The following SPIDR variants were observed in gnomAD, a reference collection of about 807,000 sequenced individuals.
SPIDR encodes the protein scaffold protein involved in DNA repair.
SPIDR carries 93 observed loss-of-function variants against 104.6 expected under a neutral mutation model. The observed-to-expected ratio is 0.89, with a 90% CI of 0.75 to 1.06. The LOEUF (loss-of-function observed/expected upper bound fraction) is 1.06, where lower values mean the gene tolerates loss of function less well. SPIDR is among the 50% of genes least tolerant of loss of function. The pLI, the probability that SPIDR is intolerant of heterozygous loss-of-function variation, is 0.00. For missense variants in SPIDR, 1,154 were observed against 1,111.2 expected, an observed-to-expected ratio of 1.04 and a Z score of -0.55; for synonymous variants, 431 against 416.9, an observed-to-expected ratio of 1.03 and a Z score of -0.41.
chr8:47,587,640 G>T (rs2060406357), intron 8 of SPIDR, among the ~76,000 whole-genome samples: 1 of 150,404 alleles, frequency 6.6e-6, no homozygotes, highest in Admixed American at 6.7e-5. Flanking sequence ...AAATCAACTG[G>T]TGCTGAGCAT....
chr8:47,420,752 C>G (rs570292385), intron 7 of SPIDR, among the ~76,000 whole-genome samples: 42 of 152,274 alleles, frequency 2.8e-4, no homozygotes, highest in Middle Eastern at 3.4e-3. Context: ...ATGCCTGGTA[C>G]CAGTTATTCC....
At chr8:47,336,246 T>A (rs1465838326) in intron 5 of SPIDR, among the ~76,000 whole-genome samples, 2 of 152,230 alleles carry the variant, frequency 1.3e-5, no homozygotes, top group Admixed American at 6.5e-5. Flanking sequence ...GTTTTTACAC[T>A]TTTTGGCTGT....
chr8:47,317,460 G>A (rs2045596164), intron 5 of SPIDR, among the ~76,000 whole-genome samples: 1 of 152,158 alleles, frequency 6.6e-6, no homozygotes, highest in African/African-American at 2.4e-5. Flanking sequence ...CAGGGAAGCT[G>A]GAACTGGATG....
chr8:47,297,526 A>G (rs1299871606), intron 5 of SPIDR, among the ~76,000 whole-genome samples: 2 of 152,042 alleles, frequency 1.3e-5, no homozygotes, highest in African/African-American at 4.8e-5. Flanking sequence ...TTACATATGT[A>G]TACATGTGCC....
chr8:47,359,080 T>G (rs1554628015), intron 5 of SPIDR, among the ~76,000 whole-genome samples: 1 of 151,684 alleles, frequency 6.6e-6, no homozygotes, highest in African/African-American at 2.4e-5. Context: ...TCCCACCAGT[T>G]AAAAAAATTG....
At chr8:47,525,921 T>C (rs188915613) in intron 8 of SPIDR, among the ~76,000 whole-genome samples, 181 of 152,306 alleles carry the variant, frequency 1.2e-3, no homozygotes, top group Non-Finnish European at 2.2e-3. Context: ...TTACCCCTTT[T>C]CCCTGCAGTT....
At chr8:47,573,057 C>T (rs1256457289) in intron 8 of SPIDR, among the ~76,000 whole-genome samples, 1 of 152,188 alleles carries the variant, frequency 6.6e-6, no homozygotes, top group Non-Finnish European at 1.5e-5. Flanking sequence ...ATTAATTTTT[C>T]AGGTAATAAG....
At chr8:47,406,084 A>C (rs775931629) in intron 6 of SPIDR, among the ~76,000 whole-genome samples, 56 of 140,192 alleles carry the variant, frequency 4.0e-4, no homozygotes, top group Non-Finnish European at 7.1e-4. Flanking sequence ...TTCAGAGTTC[A>C]TTTTGCCTTT....
At chr8:47,728,148 C>T (rs1019060519) in intron 17 of SPIDR, among the ~76,000 whole-genome samples, 3 of 148,672 alleles carry the variant, frequency 2.0e-5, no homozygotes, top group African/African-American at 7.5e-5. Context: ...AAGCAAAGAT[C>T]GGCCAGGTGC....
chr8:47,618,103 C>G (rs561902926), intron 10 of SPIDR, among the ~76,000 whole-genome samples: 1 of 152,230 alleles, frequency 6.6e-6, no homozygotes, highest in East Asian at 1.9e-4. Context: ...GTCAGGAGAC[C>G]AATGCAGAGT....
chr8:47,618,580 A>C (rs779664602), intron 10 of SPIDR, among the ~76,000 whole-genome samples: 13 of 152,202 alleles, frequency 8.5e-5, no homozygotes, highest in Non-Finnish European at 1.6e-4. Context: ...TTATTTTCTC[A>C]GAATTACCTG....
intron 8 of SPIDR, chr8:47,547,125 A>G (rs991751210): frequency 1.9e-5 from 11 of 588,156 alleles, no homozygotes; most frequent in African/African-American, 1.3e-4. Flanking sequence ...GGGATCATTC[A>G]CCTTGATGGA....
At chr8:47,616,566 C>T (rs2064343814) in intron 10 of SPIDR, among the ~76,000 whole-genome samples, 1 of 152,112 alleles carries the variant, frequency 6.6e-6, no homozygotes, top group Non-Finnish European at 1.5e-5. Context: ...TCTACTGGAT[C>T]CTTCTTTGCA....
chr8:47,591,765 A>G (rs1435734286), intron 8 of SPIDR, among the ~76,000 whole-genome samples: 1 of 152,138 alleles, frequency 6.6e-6, no homozygotes, highest in East Asian at 1.9e-4. Flanking sequence ...CCATAAAATT[A>G]AACTACCTCC....
intron 8 of SPIDR, 92 bp from the exon 9 acceptor site, chr8:47,595,719 C>T (rs2061563882): frequency 1.1e-5 from 14 of 1,225,726 alleles, no homozygotes; most frequent in South Asian, 1.0e-4. Flanking sequence ...CCATAGCAGG[C>T]GAGTCATTGC....
At chr8:47,319,318 T>C (rs2046044431) in intron 5 of SPIDR, among the ~76,000 whole-genome samples, 1 of 152,108 alleles carries the variant, frequency 6.6e-6, no homozygotes, top group South Asian at 2.1e-4. Flanking sequence ...AAACAGACTT[T>C]AAACCAACAA....
chr8:47,389,024 C>T (rs1277919272), intron 5 of SPIDR, among the ~76,000 whole-genome samples: 1 of 152,300 alleles, frequency 6.6e-6, no homozygotes, highest in African/African-American at 2.4e-5. Flanking sequence ...CAGAAGACTC[C>T]TCCTCCCAAA....
chr8:47,651,467 G>A (rs1488015900), intron 10 of SPIDR, among the ~76,000 whole-genome samples: 2 of 152,152 alleles, frequency 1.3e-5, no homozygotes, highest in African/African-American at 2.4e-5. Flanking sequence ...TGGAACGGAC[G>A]TGGTGAAAGG....
intron 19 of SPIDR, among the ~76,000 whole-genome samples, chr8:47,731,269 G>C (rs1461284096): frequency 2.0e-5 from 3 of 150,826 alleles, no homozygotes; most frequent in Admixed American, 6.6e-5. Context: ...AAAAAAAAAA[G>C]GGCTTCTGCT....
Sources: allele counts gnomAD v4.1 joint callset (sites outside exome capture counted in the v4.1 genomes callset), GRCh38; gene constraint gnomAD v4.1.1; transcripts MANE v1.5; gene names NCBI Gene and HGNC (gene_info 2026-07-23, HGNC 2026-07-21).